The following PCDH15 variants were observed in gnomAD, a reference collection of about 807,000 sequenced individuals.
PCDH15 encodes protocadherin-15.
Under a neutral mutation model 178.5 loss-of-function variants are expected in PCDH15, and 129 were observed. That is an observed-to-expected ratio of 0.72 (90% CI 0.63 to 0.84). PCDH15 has a LOEUF of 0.84. Ranked by LOEUF, PCDH15 falls within the 40% of genes least tolerant of loss-of-function variation. The probability of loss-of-function intolerance (pLI) is 0.00; values close to 1 mark genes in which losing one functional copy is unlikely to be tolerated. For missense variants in PCDH15, 2,230 were observed against 2,099.9 expected (o/e 1.06, Z -1.21); for synonymous variants, 800 against 732.0 (o/e 1.09, Z -1.50).
intron 1 of PCDH15, among the ~76,000 whole-genome samples, chr10:54,798,633 T>G (rs967717595): frequency 6.6e-6 from 1 of 151,798 alleles, no homozygotes; most frequent in Non-Finnish European, 1.5e-5. Context: ...TAAAATAGAG[T>G]CTGAAGTAAA....
chr10:53,973,063 C>T (rs1480407597), intron 21 of PCDH15, among the ~76,000 whole-genome samples: 3 of 151,702 alleles, frequency 2.0e-5, no homozygotes, highest in Non-Finnish European at 4.4e-5. Flanking sequence ...AATGATAGAC[C>T]GGATTAAGAA....
chr10:53,855,804 A>G (rs1344355598), intron 28 of PCDH15, among the ~76,000 whole-genome samples: 1 of 151,266 alleles, frequency 6.6e-6, no homozygotes, highest in African/African-American at 2.4e-5. Context: ...ACGGGTTGAT[A>G]GGTGCAGCAA....
intron 35 of PCDH15, among the ~76,000 whole-genome samples, chr10:53,814,994 CTG>C (rs1177261089): frequency 6.7e-6 from 1 of 150,064 alleles, no homozygotes; most frequent in Admixed American, 6.7e-5. Flanking sequence ...GAGTAAGGAA[CTG>C]CTGACCAGTC....
intron 1 of PCDH15, among the ~76,000 whole-genome samples, chr10:54,742,591 G>A (rs781165905): frequency 1.3e-5 from 2 of 152,116 alleles, no homozygotes; most frequent in African/African-American, 2.4e-5. Flanking sequence ...AGAGACAATA[G>A]ATTTCCACTG....
At chr10:55,103,006 G>A (rs1591905135) in intron 2 of PCDH15, among the ~76,000 whole-genome samples, 1 of 152,038 alleles carries the variant, frequency 6.6e-6, no homozygotes, top group Admixed American at 6.6e-5. Flanking sequence ...GCTGTCTCAG[G>A]TGTGGCAGAG....
At chr10:54,924,945 C>A (rs1202381953) in intron 2 of PCDH15, among the ~76,000 whole-genome samples, 2 of 152,046 alleles carry the variant, frequency 1.3e-5, no homozygotes, top group Non-Finnish European at 2.9e-5. Flanking sequence ...GCTATCTAGT[C>A]TACTAAGATT....
chr10:54,603,687 T>TA (rs2092634896), intron 2 of PCDH15, among the ~76,000 whole-genome samples: 2 of 151,778 alleles, frequency 1.3e-5, no homozygotes, highest in Admixed American at 1.3e-4. Flanking sequence ...AGTAGTAGAG[T>TA]AAAAATCTTA....
In PCDH15 at chr10:54,617,829, G is replaced by A. The variant is rs137872953; in HGVS notation, c.91+46343C>T. On this transcript the variant is annotated intron_variant, in intron 2 of 37. Coordinates refer to ENST00000644397, the MANE Select transcript of PCDH15 (RefSeq NM_001384140.1). The stretch of plus-strand genomic sequence containing the variant: ...TAATCTCAGCTACTTGGGAGGCTGA[G>A]GCAGAGAATTTCTTGAACCCGGGAG... 2.6e-3 allele frequency among the ~76,000 whole-genome samples: 400 copies of A among 151,080 alleles called. 2 individuals are homozygous for A. The highest frequency in any genetic ancestry group is 9.0e-3 in the African/African-American group (370 of 41,154).
intron 2 of PCDH15, among the ~76,000 whole-genome samples, chr10:55,436,572 G>T (rs1382495442): frequency 6.6e-6 from 1 of 151,900 alleles, no homozygotes; most frequent in Admixed American, 6.6e-5. Context: ...TTAGGAAAAT[G>T]GAATGAAATT....
intron 7 of PCDH15, among the ~76,000 whole-genome samples, chr10:54,328,421 T>A (rs985445391): frequency 6.6e-6 from 1 of 152,148 alleles, no homozygotes; most frequent in East Asian, 1.9e-4. Context: ...CTCCCATTCA[T>A]CTTGCTAAGA....
At chr10:55,531,828 C>T (rs919716095) in intron 2 of PCDH15, among the ~76,000 whole-genome samples, 1 of 151,986 alleles carries the variant, frequency 6.6e-6, no homozygotes, top group African/African-American at 2.4e-5. Context: ...TGTGTTAATA[C>T]AGCAAGTGAT....
At chr10:55,549,857 T>C (rs1841968544) in intron 2 of PCDH15, among the ~76,000 whole-genome samples, 2 of 152,038 alleles carry the variant, frequency 1.3e-5, no homozygotes, top group African/African-American at 2.4e-5. Context: ...GTACGACAAA[T>C]AGAGGAGAAA....
intron 2 of PCDH15, among the ~76,000 whole-genome samples, chr10:54,572,298 T>C (rs952224925): frequency 2.6e-5 from 4 of 152,122 alleles, no homozygotes; most frequent in African/African-American, 9.7e-5. Flanking sequence ...TTGTGGCTTT[T>C]ACATTCTAGC....
intron 2 of PCDH15, among the ~76,000 whole-genome samples, chr10:55,551,029 A>G (rs1841993653): frequency 6.6e-6 from 1 of 152,244 alleles, no homozygotes; most frequent in African/African-American, 2.4e-5. Flanking sequence ...ATCCTGGCAC[A>G]AATCTTATTT....
At chr10:54,291,262 C>G (rs905677604) in intron 8 of PCDH15, among the ~76,000 whole-genome samples, 1 of 152,152 alleles carries the variant, frequency 6.6e-6, no homozygotes, top group Admixed American at 6.5e-5. Context: ...TAAAGATGTT[C>G]TTTGAAACCA....
At chr10:55,493,093 T>C (rs1425193761) in intron 2 of PCDH15, among the ~76,000 whole-genome samples, 1 of 151,278 alleles carries the variant, frequency 6.6e-6, no homozygotes, top group East Asian at 2.0e-4. Flanking sequence ...ATGATATGAG[T>C]ATAACTAGAG....
intron 2 of PCDH15, among the ~76,000 whole-genome samples, chr10:54,991,293 A>C (rs2131917174): frequency 6.6e-6 from 1 of 152,300 alleles, no homozygotes; most frequent in Non-Finnish European, 1.5e-5. Context: ...AACAATGATA[A>C]CTGAATTCAT....
At chr10:54,872,999 A>G (rs979030581) in intron 3 of PCDH15, among the ~76,000 whole-genome samples, 5 of 150,262 alleles carry the variant, frequency 3.3e-5, no homozygotes, top group African/African-American at 1.2e-4. Flanking sequence ...AAATTGTAAA[A>G]GCTACCAACC....
chr10:54,670,308 C>G (rs2094640148), intron 1 of PCDH15, among the ~76,000 whole-genome samples: 1 of 152,046 alleles, frequency 6.6e-6, no homozygotes, highest in Non-Finnish European at 1.5e-5. Flanking sequence ...AAATATATTT[C>G]CCGAAACCAC....
Sources: gnomAD v4.1 joint callset for allele counts (sites outside exome capture counted in the v4.1 genomes callset) on GRCh38, gnomAD v4.1.1 for gene constraint, MANE v1.5 for transcripts, NCBI Gene and HGNC (gene_info 2026-07-23, HGNC 2026-07-21) for gene names.